Variants in ASIP observed in about 807,000 individuals in gnomAD.
ASIP encodes the protein agouti-signaling protein.
Under a neutral mutation model 10.3 loss-of-function variants are expected in ASIP, and 11 were observed. The observed-to-expected ratio is 1.07, with a 90% CI of 0.68 to 1.78. The LOEUF (loss-of-function observed/expected upper bound fraction) is 1.78, where lower values mean the gene tolerates loss of function less well. Among genes scored for constraint, ASIP ranks in the 40% most tolerant of loss-of-function variants. The probability of loss-of-function intolerance (pLI) is 0.00; values close to 1 mark genes in which losing one functional copy is unlikely to be tolerated. For missense variants in ASIP, 180 were observed against 169.2 expected, an observed-to-expected ratio of 1.06 and a Z score of -0.35; for synonymous variants, 70 against 70.8, an observed-to-expected ratio of 0.99 and a Z score of 0.06.
At position 34,211,020 on chromosome 20, in the gene ASIP, G is replaced by A. The variant is rs191893649; in HGVS notation, c.-11+16260G>A. ...TTTGATATGTAATTTTTCTCTTGTA[G>A]TGTTCTCTCTCTTTTTTAAAGAGAC... On this transcript the variant is annotated intron_variant, in intron 1 of 3. Coordinates refer to the ASIP transcript ENST00000568305. Among the ~76,000 whole-genome samples, 25 of 152,182 alleles carry A rather than the reference G, an allele frequency of 1.6e-4. 1 individual carries two copies. Among genetic ancestry groups the A allele is most frequent in the Middle Eastern group, 6.8e-3 (2 of 294 alleles).
intron 1 of ASIP, among the ~76,000 whole-genome samples, chr20:34,206,339 C>T (rs183618602): frequency 6.6e-6 from 1 of 152,120 alleles, no homozygotes; most frequent in Admixed American, 6.6e-5. Context: ...TACTTTATAT[C>T]TTCCTCCCTA....
chr20:34,220,844 G>T (rs1230306790), intron 1 of ASIP, among the ~76,000 whole-genome samples: 1 of 151,756 alleles, frequency 6.6e-6, no homozygotes, highest in African/African-American at 2.4e-5. Context: ...AACAACTAAA[G>T]AGTGGTTGCT....
At chr20:34,258,014 A>G (rs1172766797) in intron 1 of ASIP, among the ~76,000 whole-genome samples, 2 of 151,920 alleles carry the variant, frequency 1.3e-5, no homozygotes, top group Admixed American at 1.3e-4. Context: ...CGTGGTGGCA[A>G]GCACCTGTAG....
intron 1 of ASIP, among the ~76,000 whole-genome samples, chr20:34,203,032 TCTC>T (rs2034911215): frequency 6.6e-6 from 1 of 152,030 alleles, no homozygotes; most frequent in African/African-American, 2.4e-5. Flanking sequence ...ATGGTGTCAA[TCTC>T]CTGACCTCAT....
chr20:34,192,899 C>T (rs192840186), upstream of ASIP, among the ~76,000 whole-genome samples: 2 of 152,262 alleles, frequency 1.3e-5, no homozygotes, highest in East Asian at 3.9e-4. Flanking sequence ...ATATAATGAT[C>T]AACTCAGGAT....
rs547458404 is a variant in ASIP at position 34,196,684 on chromosome 20, C to T, written c.-11+1924C>T. ...TTGGAAAGAACTATAAAGCTAGAGTCTGTAATTAGTTCCCATACCTGCGTA... is the reference window on the plus strand; with the variant it reads ...TTGGAAAGAACTATAAAGCTAGAGTTTGTAATTAGTTCCCATACCTGCGTA... On this transcript the variant is annotated intron_variant, in intron 1 of 3. Coordinates refer to the ASIP transcript ENST00000568305. Among the ~76,000 whole-genome samples, 3 of 152,276 alleles carry T rather than the reference C, an allele frequency of 2.0e-5. No homozygotes were observed. The South Asian group carries it at 6.2e-4, about 32-fold the overall frequency.
In ASIP at chr20:34,260,484, G is replaced by A. The variant is rs776956374; in HGVS notation, c.110G>A (p.Arg37Lys). 6.2e-7 allele frequency: 1 copy of A among 1,613,978 alleles called. No individual in the cohort carries two copies. Reference protein sequence around the residue: ...EEKLRDDRSLRSNSSVNLLDV... With the variant: ...EEKLRDDRSLKSNSSVNLLDV... ...AAGCTCCGAGATGACAGGAGCCTGA[G>A]AAGCAACTCCTCTGTGAACCTACTG... Residue 37 changes from arginine (R) to lysine (K), a missense_variant, in exon 2 of 4, where the codon AGA becomes AAA. Transcript: ENST00000374954.
chr20:34,235,832 AGAAAGAAAGAAG>A (rs1342245985), intron 1 of ASIP, among the ~76,000 whole-genome samples: 24 of 67,486 alleles, frequency 3.6e-4, no homozygotes, highest in Non-Finnish European at 3.6e-4. Context: ...AAAGAAAGAA[AGAAAGAAAGAAG>A]GAAGGAAGGA....
chr20:34,232,569 T>C (rs1396816705), intron 1 of ASIP, among the ~76,000 whole-genome samples: 1 of 152,130 alleles, frequency 6.6e-6, no homozygotes, highest in African/African-American at 2.4e-5. Flanking sequence ...TGAATAAGTC[T>C]CAGGAGGATC....
intron 1 of ASIP, chr20:34,213,352 C>T (rs972919665): frequency 7.5e-6 from 4 of 535,088 alleles, no homozygotes; most frequent in Admixed American, 3.3e-5. Flanking sequence ...TTTATAGCAG[C>T]ACAAAACAGT....
intron 1 of ASIP, among the ~76,000 whole-genome samples, chr20:34,258,872 AC>A: frequency 8.2e-6 from 1 of 122,632 alleles, no homozygotes; most frequent in East Asian, 2.1e-4. Flanking sequence ...TATATATAAT[AC>A]TATATATATA....
chr20:34,258,698 A>ATATATATATATATATATATAC (rs1568768756), intron 1 of ASIP, among the ~76,000 whole-genome samples: 1 of 62,048 alleles, frequency 1.6e-5, no homozygotes, highest in African/African-American at 8.8e-5. Context: ...TATACATACT[A>ATATATATATATATATATATAC]TATATATATA....
intron 1 of ASIP, among the ~76,000 whole-genome samples, chr20:34,209,576 C>T (rs2034959644): frequency 6.6e-6 from 1 of 152,366 alleles, no homozygotes. Context: ...CCTCTCCCTG[C>T]TCCCAGCACC....
upstream of ASIP, among the ~76,000 whole-genome samples, chr20:34,239,121 T>C (rs1368763035): frequency 6.6e-6 from 1 of 152,208 alleles, no homozygotes; most frequent in Admixed American, 6.5e-5. Context: ...CTTTTCTGCT[T>C]TCTTTCCCTG....
intron 1 of ASIP, among the ~76,000 whole-genome samples, chr20:34,208,138 T>G (rs975041552): frequency 2.6e-5 from 4 of 152,208 alleles, no homozygotes; most frequent in Middle Eastern, 3.2e-3. Flanking sequence ...GGTTTTCTAT[T>G]CTGTTCCATT....
At chr20:34,245,496 T>C (rs2035358191) in intron 1 of ASIP, among the ~76,000 whole-genome samples, 8 of 151,414 alleles carry the variant, frequency 5.3e-5, no homozygotes, top group Admixed American at 5.3e-4. Context: ...CCAGCGATTC[T>C]CAGGCCTCAG....
intron 1 of ASIP, chr20:34,214,107 A>T: frequency 1.7e-6 from 2 of 1,145,762 alleles, no homozygotes; most frequent in Non-Finnish European, 2.7e-6. Context: ...GCTGCTCAGG[A>T]AGGACTGGTG....
At position 34,196,173 on chromosome 20, in the gene ASIP, CTTTTTT is replaced by C. The variant is rs34524786; in HGVS notation, c.-11+1432_-11+1437del. ...GAACTCTCATTGAAAAGGGAGATTT[CTTTTTT>C]TTTTTTTTTTTTTTTTTTGAGACGG... On this transcript the variant is annotated intron_variant, in intron 1 of 3. Coordinates refer to the ASIP transcript ENST00000568305. Among the ~76,000 whole-genome samples the C allele has an allele frequency of 9.9e-3, 828 of 83,694 alleles. 4 individuals are homozygous for C. Among genetic ancestry groups the C allele is most frequent in the African/African-American group, 0.039 (788 of 20,342 alleles). 54.9% of individuals were successfully genotyped at this position (83,694 alleles called of 152,430 possible).
At chr20:34,263,436 G>T (rs1292706311) in intron 3 of ASIP, among the ~76,000 whole-genome samples, 3 of 151,856 alleles carry the variant, frequency 2.0e-5, no homozygotes, top group African/African-American at 7.3e-5. Context: ...GTGGTGGTGG[G>T]CGCCTGTAAT....
Sources: gnomAD v4.1 joint callset for allele counts (sites outside exome capture counted in the v4.1 genomes callset) on GRCh38, gnomAD v4.1.1 for gene constraint, MANE v1.5 for transcripts, NCBI Gene and HGNC (gene_info 2026-07-23, HGNC 2026-07-21) for gene names.